CIAO2A: variants seen among roughly 807,000 people sequenced by gnomAD.
CIAO2A encodes the protein cytosolic iron-sulfur assembly component 2A.
Under a neutral mutation model 22.4 loss-of-function variants are expected in CIAO2A, and 17 were observed. That is an observed-to-expected ratio of 0.76 (90% CI 0.52 to 1.14). The LOEUF (loss-of-function observed/expected upper bound fraction) is 1.14, where lower values mean the gene tolerates loss of function less well. Ranked by LOEUF, CIAO2A falls within the 50% of genes most tolerant of loss-of-function variation. The pLI, the probability that CIAO2A is intolerant of heterozygous loss-of-function variation, is 0.00. For synonymous variants in CIAO2A, 74 were observed against 72.3 expected (o/e 1.02, Z -0.12); for missense variants, 192 against 191.4 (o/e 1.00, Z -0.02).
In CIAO2A at chr15:64,091,254, G is replaced by A. The variant is rs548067061; in HGVS notation, c.124+2391C>T. Among the ~76,000 whole-genome samples, 6 of 152,292 alleles carry A rather than the reference G, an allele frequency of 3.9e-5. No homozygotes were observed. The South Asian group carries it at 6.2e-4, about 16-fold the overall frequency. ...CCAGCACTTTGGGAGGCTGAGGCAA[G>A]TGGATCACCCACCTGAGTTCAGGAG... On this transcript the variant is annotated intron_variant, in intron 1 of 4. Coordinates refer to ENST00000300030, the MANE Select transcript of CIAO2A (RefSeq NM_032231.7).
At chr15:64,087,789 C>T (rs2080809532) in intron 2 of CIAO2A, among the ~76,000 whole-genome samples, 1 of 152,142 alleles carries the variant, frequency 6.6e-6, no homozygotes, top group Non-Finnish European at 1.5e-5. Context: ...GTCTCCCTCC[C>T]ACCCTTTCCC....
At chr15:64,075,593 G>A in intron 3 of CIAO2A, 56 bp from the exon 4 acceptor site, 1 of 1,089,292 alleles carries the variant, frequency 9.2e-7, no homozygotes, top group South Asian at 1.4e-5. Context: ...TAAGATAAGA[G>A]AGTGAAGTGG....
At chr15:64,087,706 T>C (rs947966215) in intron 2 of CIAO2A, among the ~76,000 whole-genome samples, 2 of 152,094 alleles carry the variant, frequency 1.3e-5, no homozygotes, top group Non-Finnish European at 1.5e-5. Flanking sequence ...CAATCTTTTT[T>C]ATAAACTTGT....
chr15:64,083,830 G>A (rs1027278350), intron 2 of CIAO2A, among the ~76,000 whole-genome samples: 2 of 151,978 alleles, frequency 1.3e-5, no homozygotes, highest in African/African-American at 2.4e-5. Context: ...TATGATCCCA[G>A]CTACTTGGAG....
chr15:64,082,749 T>C (rs2080766674), intron 2 of CIAO2A, among the ~76,000 whole-genome samples: 2 of 152,310 alleles, frequency 1.3e-5, no homozygotes, highest in South Asian at 4.1e-4. Context: ...GTTTTACAAT[T>C]CGCAAAGCAC....
At chr15:64,092,319 T>C (rs1276543474) in intron 1 of CIAO2A, among the ~76,000 whole-genome samples, 1 of 152,160 alleles carries the variant, frequency 6.6e-6, no homozygotes, top group Non-Finnish European at 1.5e-5. Flanking sequence ...CCTCTTAGTA[T>C]GCCCTCTGAC....
intron 3 of CIAO2A, among the ~76,000 whole-genome samples, chr15:64,080,510 G>C (rs1053629188): frequency 6.6e-6 from 1 of 151,992 alleles, no homozygotes; most frequent in East Asian, 1.9e-4. Flanking sequence ...GTGAAACCCC[G>C]TCTCTACTAA....
intron 2 of CIAO2A, among the ~76,000 whole-genome samples, chr15:64,087,298 A>T (rs2080805292): frequency 6.6e-6 from 1 of 151,656 alleles, no homozygotes; most frequent in Non-Finnish European, 1.5e-5. Flanking sequence ...TCACCATGTT[A>T]CCCAGGATGG....
chr15:64,090,665 C>G (rs1430927454), intron 1 of CIAO2A, among the ~76,000 whole-genome samples: 1 of 152,168 alleles, frequency 6.6e-6, no homozygotes, highest in Non-Finnish European at 1.5e-5. Context: ...CCCCAGCCAG[C>G]TGTAAGAAAG....
Position 64,081,087 on chromosome 15 carries a change from A to ATACATCTT in CIAO2A, c.339+7_339+14dup, listed in dbSNP as rs1343435046. The ATACATCTT allele has an allele frequency of 1.2e-6, 2 of 1,611,180 alleles. No individual in the cohort carries two copies. Among genetic ancestry groups the ATACATCTT allele is most frequent in the South Asian group, 2.2e-5 (2 of 90,552 alleles). On this transcript the variant is annotated intron_variant, in intron 3 of 4. Transcript: ENST00000300030. ...TTTTACAACAACAACAACAACAAAA[A>ATACATCTT]TACATCTTTCTTACCTTATGTTTAA...
intron 1 of CIAO2A, among the ~76,000 whole-genome samples, chr15:64,092,154 A>C (rs1490363982): frequency 6.6e-6 from 1 of 152,134 alleles, no homozygotes; most frequent in Non-Finnish European, 1.5e-5. Context: ...TGCACTATTA[A>C]AATTCTTCAT....
At chr15:64,090,730 T>C (rs1210196341) in intron 1 of CIAO2A, among the ~76,000 whole-genome samples, 12 of 152,136 alleles carry the variant, frequency 7.9e-5, no homozygotes, top group Middle Eastern at 3.2e-3. Context: ...GGGAAGCAAG[T>C]AGGAACTGAA....
chr15:64,078,639 CAAAAA>C (rs56266808), intron 3 of CIAO2A, among the ~76,000 whole-genome samples: 2 of 129,144 alleles, frequency 1.5e-5, no homozygotes, highest in Admixed American at 8.2e-5. Flanking sequence ...CCATCGCAAA[CAAAAA>C]AAAAAAAAAA....
intron 1 of CIAO2A, 139 bp downstream of exon 1, chr15:64,093,506 T>A: frequency 9.7e-7 from 1 of 1,032,558 alleles, no homozygotes; most frequent in Non-Finnish European, 1.4e-6. Flanking sequence ...CCGGACAAGA[T>A]CTGGCCAAAA....
At chr15:64,089,596 T>C (rs1567308989) in intron 1 of CIAO2A, among the ~76,000 whole-genome samples, 1 of 152,124 alleles carries the variant, frequency 6.6e-6, no homozygotes, top group African/African-American at 2.4e-5. Context: ...AAAGGTGTTT[T>C]AGAGTATGAG....
chr15:64,086,760 C>G (rs543046912), intron 2 of CIAO2A, among the ~76,000 whole-genome samples: 1 of 146,304 alleles, frequency 6.8e-6, no homozygotes, highest in Non-Finnish European at 1.5e-5. Flanking sequence ...ATTACAGGTG[C>G]GTGCCACCAT....
At position 64,088,842 on chromosome 15, in the gene CIAO2A, C is replaced by G; in HGVS notation, c.134G>C (p.Arg45Thr). The change falls in exon 2 of 5, where the codon AGA becomes ACA. Residue 45 changes from arginine (R) to threonine (T), a missense_variant. Physicochemically the swap from Arg to Thr is moderately conservative, Grantham distance 71. Transcript: ENST00000300030. Reference sequence around the variant, plus strand: ...GGGCTTTTCTGGGTCCCGGATAGTTCTAATCAAATCTAAAGAATCATCAGA... The same window carrying G: ...GGGCTTTTCTGGGTCCCGGATAGTTGTAATCAAATCTAAAGAATCATCAGA... ...EKALEVYDLI[R>T]TIRDPEKPNT... is the part of the protein sequence containing the mutation. 1 of 1,607,498 alleles carries G rather than the reference C, an allele frequency of 6.2e-7. No individual in the cohort carries two copies. Among genetic ancestry groups the G allele is most frequent in the African/African-American group, 1.3e-5 (1 of 74,636 alleles).
intron 2 of CIAO2A, among the ~76,000 whole-genome samples, chr15:64,084,352 C>T (rs2080777983): frequency 6.6e-6 from 1 of 152,140 alleles, no homozygotes; most frequent in African/African-American, 2.4e-5. Context: ...CTGCGTCAAA[C>T]AGTATAAACT....
At chr15:64,077,054 T>G (rs927079873) in intron 3 of CIAO2A, among the ~76,000 whole-genome samples, 2 of 152,166 alleles carry the variant, frequency 1.3e-5, no homozygotes, top group African/African-American at 4.8e-5. Context: ...GGCTCATGCC[T>G]GTAATCCCAG....
Sources: gnomAD v4.1 joint callset for allele counts (sites outside exome capture counted in the v4.1 genomes callset) on GRCh38, gnomAD v4.1.1 for gene constraint, MANE v1.5 for transcripts, NCBI Gene and HGNC (gene_info 2026-07-23, HGNC 2026-07-21) for gene names.